PLEKHG1: variants seen among roughly 807,000 people sequenced by gnomAD.
PLEKHG1 encodes the protein pleckstrin homology domain-containing family G member 1.
A neutral mutation model predicts 100.8 loss-of-function variants in PLEKHG1; 44 were observed. The ratio of observed to expected loss-of-function variants is 0.44; its 90% CI spans 0.34 to 0.56. The LOEUF is 0.56. Ranked by LOEUF, PLEKHG1 falls within the 20% of genes least tolerant of loss-of-function variation. The probability of loss-of-function intolerance (pLI) is 0.01; values close to 1 mark genes in which losing one functional copy is unlikely to be tolerated. For missense variants in PLEKHG1, 1,545 were observed against 1,720.9 expected, an observed-to-expected ratio of 0.90 and a Z score of 1.81; for synonymous variants, 640 against 662.5, an observed-to-expected ratio of 0.97 and a Z score of 0.52.
At chr6:150,716,268 C>T (rs562532835), upstream of PLEKHG1, among the ~76,000 whole-genome samples, 1 of 152,108 alleles carries the variant, frequency 6.6e-6, no homozygotes, top group Admixed American at 6.5e-5. Flanking sequence ...TCCACAATGG[C>T]AAGATCTTAA....
chr6:150,707,706 G>C (rs1332464621), intron 3 of PLEKHG1, among the ~76,000 whole-genome samples: 1 of 151,776 alleles, frequency 6.6e-6, no homozygotes, highest in Non-Finnish European at 1.5e-5. Context: ...TTTAAACTTG[G>C]GTCATCAATA....
intron 2 of PLEKHG1, among the ~76,000 whole-genome samples, chr6:150,650,504 A>AT (rs1778687439): frequency 6.6e-6 from 1 of 152,124 alleles, no homozygotes; most frequent in South Asian, 2.1e-4. Context: ...CATCCTGTGA[A>AT]TTTTTTCATT....
intron 3 of PLEKHG1, among the ~76,000 whole-genome samples, chr6:150,665,629 CA>C (rs1554258035): frequency 7.9e-6 from 1 of 126,240 alleles, no homozygotes; most frequent in African/African-American, 3.1e-5. Context: ...GACTCCATCT[CA>C]AAAAATAAAA....
At position 150,758,581 on chromosome 6, in the gene PLEKHG1, T is replaced by C. The variant is rs1225131280; in HGVS notation, c.412-10057T>C. ...AACTCCTGACCTCAGGTGATCTGCC[T>C]GCCTTGGCCTCCCAAAGTGCTGGGA... On this transcript the variant is annotated intron_variant, in intron 2 of 15. Coordinates refer to ENST00000358517, the Ensembl canonical transcript of PLEKHG1. Among the ~76,000 whole-genome samples the C allele has an allele frequency of 2.6e-5, 4 of 152,318 alleles. No individual in the cohort carries two copies. The East Asian group carries it at 7.7e-4, about 29-fold the overall frequency.
chr6:150,783,712 A>G (rs1562515714), intron 3 of PLEKHG1, among the ~76,000 whole-genome samples: 2 of 152,188 alleles, frequency 1.3e-5, no homozygotes, highest in Non-Finnish European at 2.9e-5. Context: ...GATCTCTTAC[A>G]TGCTTAAAAA....
upstream of PLEKHG1, among the ~76,000 whole-genome samples, chr6:150,717,193 G>A (rs912223304): frequency 1.3e-5 from 2 of 151,728 alleles, no homozygotes; most frequent in African/African-American, 2.4e-5. Flanking sequence ...CACCACGCCT[G>A]GCTAATTTTT....
intron 6 of PLEKHG1, 28 bp downstream of exon 7, chr6:150,800,897 TC>T: frequency 6.2e-7 from 1 of 1,601,092 alleles, no homozygotes; most frequent in Non-Finnish European, 8.6e-7. Flanking sequence ...ATGAGCACTT[TC>T]CAGGGGATGG....
At chr6:150,804,956 A>T (rs1288978311) in intron 7 of PLEKHG1, among the ~76,000 whole-genome samples, 5 of 147,466 alleles carry the variant, frequency 3.4e-5, no homozygotes, top group Admixed American at 1.4e-4. Flanking sequence ...TTTTTTTGAG[A>T]TGGAGTTTCG....
chr6:150,806,829 CAAAAA>C (rs3072754), intron 7 of PLEKHG1, among the ~76,000 whole-genome samples: 25 of 90,188 alleles, frequency 2.8e-4, no homozygotes, highest in African/African-American at 9.4e-4. Context: ...GACTCCATCT[CAAAAA>C]AAAAAAAAAA....
intron 3 of PLEKHG1, among the ~76,000 whole-genome samples, chr6:150,688,623 A>T (rs1201291710): frequency 6.6e-6 from 1 of 152,154 alleles, no homozygotes; most frequent in Non-Finnish European, 1.5e-5. Flanking sequence ...ATAAGCCACC[A>T]AGCCCAACCA....
chr6:150,686,526 T>TA (rs1238111936), intron 3 of PLEKHG1, among the ~76,000 whole-genome samples: 1 of 152,180 alleles, frequency 6.6e-6, no homozygotes, highest in Non-Finnish European at 1.5e-5. Flanking sequence ...AGACTTTAAG[T>TA]AAAAAATGAA....
chr6:150,794,037 G>T (rs1562523937), intron 4 of PLEKHG1, among the ~76,000 whole-genome samples: 1 of 152,152 alleles, frequency 6.6e-6, no homozygotes, highest in Admixed American at 6.5e-5. Context: ...AACCAAGATC[G>T]TGCCACTGCA....
chr6:150,654,894 G>A (rs536534607), intron 3 of PLEKHG1, among the ~76,000 whole-genome samples: 1 of 152,236 alleles, frequency 6.6e-6, no homozygotes, highest in African/African-American at 2.4e-5. Context: ...CAGAGGACAG[G>A]GATGGAAATG....
chr6:150,773,048 C>T (rs746455822), intron 3 of PLEKHG1, among the ~76,000 whole-genome samples: 2 of 151,844 alleles, frequency 1.3e-5, no homozygotes, highest in Non-Finnish European at 2.9e-5. Context: ...TTTTATAGTG[C>T]GTAGGTTTTG....
At chr6:150,633,975 C>T (rs1009414709) in intron 1 of PLEKHG1, among the ~76,000 whole-genome samples, 5 of 151,800 alleles carry the variant, frequency 3.3e-5, no homozygotes, top group African/African-American at 1.2e-4. Flanking sequence ...GGCGTGGTGG[C>T]TCAGGCCTGT....
At chr6:150,796,052 A>G in intron 5 of PLEKHG1, 150 bp downstream of exon 6, 1 of 537,220 alleles carries the variant, frequency 1.9e-6, no homozygotes, top group Admixed American at 2.7e-5. Context: ...AGAACAGATT[A>G]CAGGGGCACC....
At chr6:150,691,664 G>A (rs745424680) in intron 3 of PLEKHG1, among the ~76,000 whole-genome samples, 10 of 152,004 alleles carry the variant, frequency 6.6e-5, no homozygotes, top group South Asian at 4.2e-4. Context: ...CACCATTTCC[G>A]TCATTATGTC....
intron 2 of PLEKHG1, among the ~76,000 whole-genome samples, chr6:150,739,200 C>T (rs1359245425): frequency 2.0e-5 from 3 of 152,090 alleles, no homozygotes; most frequent in Non-Finnish European, 4.4e-5. Flanking sequence ...AGAATGGCAT[C>T]GTTGAGCTCT....
rs149559517 is a variant in PLEKHG1 at position 150,689,712 on chromosome 6, G to A, written c.-99+38926G>A. Among the ~76,000 whole-genome samples, 13 of 152,204 alleles carry A rather than the reference G, an allele frequency of 8.5e-5. No individual in the cohort carries two copies. In the East Asian group the frequency reaches 1.5e-3, roughly 18 times the overall value. ...CTCTACTAAATGCAAAAGATTAGCC[G>A]TGCATGGTGGCACATGCCTGTAATG... On this transcript the variant is annotated intron_variant, in intron 3 of 3. Transcript: ENST00000367326.
Sources: gnomAD v4.1 joint callset for allele counts (sites outside exome capture counted in the v4.1 genomes callset) on GRCh38, gnomAD v4.1.1 for gene constraint, MANE v1.5 for transcripts, NCBI Gene and HGNC (gene_info 2026-07-23, HGNC 2026-07-21) for gene names.